Variants in EPX observed in about 807,000 individuals in gnomAD.
The protein encoded by EPX is eosinophil peroxidase.
A neutral mutation model predicts 73.0 loss-of-function variants in EPX; 60 were observed. That is an observed-to-expected ratio of 0.82 (90% CI 0.67 to 1.02). The LOEUF is 1.02. Among genes scored for constraint, EPX ranks in the 50% least tolerant of loss-of-function variants. The pLI is 0.00. For missense variants in EPX, 950 were observed against 973.9 expected, an observed-to-expected ratio of 0.98 and a Z score of 0.33; for synonymous variants, 347 against 389.2, an observed-to-expected ratio of 0.89 and a Z score of 1.28.
chr17:58,194,071 C>A lies in EPX; in HGVS notation c.573C>A (p.Arg191=), dbSNP rs1968221680. Residue 191 remains arginine, a synonymous_variant, in exon 5 of 13, where the codon CGC becomes CGA. Coordinates refer to ENST00000225371, the MANE Select transcript of EPX (RefSeq NM_000502.6). ...LPFGWTPSRR[R]NGFLLPLVRA... is the part of the protein sequence containing the mutation. ...TCGGCTGGACCCCCAGCAGGAGGCG[C>A]AATGGCTTCCTTCTCCCTCTTGTGA... The A allele has an allele frequency of 6.2e-7, 1 of 1,613,410 alleles. No individual in the cohort carries two copies. The highest frequency in any genetic ancestry group is 8.5e-7 in the Non-Finnish European group (1 of 1,180,006).
chr17:58,200,120 C>A lies in EPX; in HGVS notation c.1538-105C>A, dbSNP rs35700737. The A allele has an allele frequency of 8.2e-4, 895 of 1,098,066 alleles. 9 individuals carry two copies. The African/African-American group carries it at 0.012, about 15-fold the overall frequency. 68.0% of individuals were successfully genotyped at this position (1,098,066 alleles called of 1,614,324 possible). A position where few individuals can be genotyped will look rare whatever the true frequency, so the allele number is the denominator to read the frequency against. On this transcript the variant is annotated intron_variant, in intron 9 of 12. Transcript: ENST00000225371. ...TTTCCTGACAAACGTTACTAACATA[C>A]CCGACTGGCTTGTCCAGCTCTGGGC... is the stretch of plus-strand genomic sequence containing the variant.
At chr17:58,198,088 G>A (rs1347781584) in intron 7 of EPX, among the ~76,000 whole-genome samples, 4 of 152,126 alleles carry the variant, frequency 2.6e-5, no homozygotes, top group African/African-American at 9.7e-5. Context: ...CACCTGCCTT[G>A]GCCTCCCAAA....
chr17:58,200,263 C>T lies in EPX; in HGVS notation c.1576C>T (p.Pro526Ser), dbSNP rs753393061. 2 of 1,614,226 alleles carry T rather than the reference C, an allele frequency of 1.2e-6. No individual in the cohort carries two copies. The highest frequency in any genetic ancestry group is 1.1e-5 in the South Asian group (1 of 91,088). ...CATCCTCCGGGGCCTCATGGCCACC[C>T]CTGCCAAGCTGAACCGTCAGGATGC... The part of the protein sequence containing the change: ...DPILRGLMAT[P>S]AKLNRQDAML... Residue 526 changes from proline to serine, a missense_variant, in exon 10 of 13, where the codon CCT becomes TCT. By Grantham distance (74) the Pro-to-Ser change is moderately conservative. Transcript: ENST00000225371.
At position 58,199,150 on chromosome 17, in the gene EPX, G is replaced by A. The variant is rs1238477853; in HGVS notation, c.1231G>A (p.Gly411Arg). 1.2e-6 allele frequency: 2 copies of A among 1,614,148 alleles called. No homozygotes were observed. Among genetic ancestry groups the A allele is most frequent in the Admixed American group, 3.3e-5 (2 of 60,022 alleles). Reference protein sequence around the residue: ...ELRRLNPRWNGDKLYNEARKI... With the variant: ...ELRRLNPRWNRDKLYNEARKI... ...GAGACGCCTGAATCCCCGGTGGAAT[G>A]GAGACAAACTGTACAATGAGGCTCG... is the stretch of plus-strand genomic sequence containing the variant. The change falls in exon 8 of 13, where the codon GGA (glycine) becomes AGA (arginine). Residue 411 changes from glycine (G) to arginine (R), a missense_variant. Transcript: ENST00000225371.
intron 1 of EPX, 34 bp downstream of exon 1, chr17:58,192,956 G>C (rs1968196246): frequency 6.2e-7 from 1 of 1,607,396 alleles, no homozygotes; most frequent in Admixed American, 1.7e-5. Flanking sequence ...GGAGGAGGGA[G>C]GGGAAATGGA....
chr17:58,199,430 G>C, intron 8 of EPX, 109 bp from the exon 9 acceptor site: 1 of 1,326,042 alleles, frequency 7.5e-7, no homozygotes, highest in Non-Finnish European at 1.1e-6. Context: ...AATTAATGTT[G>C]TCACATTTGA....
At chr17:58,196,865 A>T in intron 6 of EPX, 74 bp from the exon 7 acceptor site, 2 of 1,176,654 alleles carry the variant, frequency 1.7e-6, no homozygotes, top group Non-Finnish European at 2.5e-6. Context: ...GGTTTTGAGG[A>T]GGTGGAAGAT....
chr17:58,194,040 T>C lies in EPX; in HGVS notation c.542T>C (p.Leu181Pro). The C allele has an allele frequency of 6.2e-7, 1 of 1,613,318 alleles. No homozygotes were observed. Among genetic ancestry groups the C allele is most frequent in the Non-Finnish European group, 8.5e-7 (1 of 1,179,940 alleles). Residue 181 changes from leucine (L) to proline (P), a missense_variant, in exon 5 of 13, where the codon CTC becomes CCC. Transcript: ENST00000225371. ...GCCGAGTATGAGGATGGGCTGTCGC[T>C]CCCCTTCGGCTGGACCCCCAGCAGG... is the stretch of plus-strand genomic sequence containing the variant. ...LPAEYEDGLS[L>P]PFGWTPSRRR... is the part of the protein sequence containing the mutation.
chr17:58,195,321 A>G, intron 6 of EPX, 151 bp downstream of exon 6: 1 of 722,822 alleles, frequency 1.4e-6, no homozygotes, highest in Non-Finnish European at 2.5e-6. Context: ...AACACAGCTG[A>G]GCAGAGACCC....
At position 58,204,364 on chromosome 17, in the gene EPX, G is replaced by A. The variant is rs1456873669; in HGVS notation, c.2089G>A (p.Gly697Ser). Reference protein sequence around the residue: ...DIFRANIYPRGFVNCSRIPRL... With the variant: ...DIFRANIYPRSFVNCSRIPRL... ...CTTCAGAGCCAACATCTACCCTCGG[G>A]GCTTTGTGAACTGCAGCCGTATCCC... is the stretch of plus-strand genomic sequence containing the variant. The change falls in exon 12 of 13, where the codon GGC becomes AGC. Residue 697 changes from glycine (G) to serine (S), a missense_variant. Coordinates refer to ENST00000225371, the MANE Select transcript of EPX (RefSeq NM_000502.6). The A allele has an allele frequency of 6.2e-7, 1 of 1,614,130 alleles. No individual in the cohort carries two copies. The highest frequency in any genetic ancestry group is 8.5e-7 in the Non-Finnish European group (1 of 1,179,998).
rs1381535153 is a variant in EPX, at chr17:58,199,747, T to A, written c.1490T>A (p.Val497Asp). ...QYRASAPNSH[V>D]PLSSAFFASW... ...CGGGCCTCCGCACCCAACTCGCATG[T>A]CCCACTTAGCTCTGCCTTCTTTGCC... Residue 497 changes from valine (V) to aspartate (D), a missense_variant, in exon 9 of 13, where the codon GTC becomes GAC. Physicochemically the swap from Val to Asp is radical, Grantham distance 152. Transcript: ENST00000225371. 6.2e-7 allele frequency: 1 copy of A among 1,612,756 alleles called. No individual in the cohort carries two copies. Among genetic ancestry groups the A allele is most frequent in the Non-Finnish European group, 8.5e-7 (1 of 1,179,616 alleles).
At chr17:58,194,714 G>A (rs1339042783) in intron 5 of EPX, among the ~76,000 whole-genome samples, 6 of 152,186 alleles carry the variant, frequency 3.9e-5, no homozygotes, top group Admixed American at 1.3e-4. Context: ...GGTGAGGTCT[G>A]AGCCAGTCAA....
rs751523509 is a variant in EPX, at chr17:58,193,057, G to T, written c.96G>T (p.Glu32Asp). The T allele has an allele frequency of 9.3e-6, 15 of 1,613,068 alleles. No homozygotes were observed. The South Asian group carries it at 1.5e-4, about 17-fold the overall frequency. Reference protein sequence around the residue: ...GTDPASPGAVETSVLRDCIAE... With the variant: ...GTDPASPGAVDTSVLRDCIAE... The stretch of plus-strand genomic sequence containing the variant: ...GAACAGCCTCCCCTGGGGCAGTGGA[G>T]ACCTCGGTCCTGCGAGACTGCATAG... The change falls in exon 2 of 13, where the codon GAG (glutamate) becomes GAT (aspartate). Residue 32 changes from glutamate (E) to aspartate (D), a missense_variant. Coordinates refer to ENST00000225371, the MANE Select transcript of EPX (RefSeq NM_000502.6).
Position 58,194,079 on chromosome 17 carries a change from TC to T in EPX, c.583del (p.Leu195PhefsTer20). 1 of 1,613,446 alleles carries T rather than the reference TC, an allele frequency of 6.2e-7. No homozygotes were observed. ...ACCCCCAGCAGGAGGCGCAATGGCT[TC>T]CTTCTCCCTCTTGTGAGTTGGGGCT... ...GWTPSRRRNG[F>X]LLPLVRAVSN... On this transcript the variant is annotated frameshift_variant, in exon 5 of 13. Coordinates refer to ENST00000225371, the MANE Select transcript of EPX (RefSeq NM_000502.6). LOFTEE classifies it high-confidence loss of function.
chr17:58,201,181 C>A (rs778326213), intron 10 of EPX, among the ~76,000 whole-genome samples: 12 of 152,240 alleles, frequency 7.9e-5, no homozygotes, highest in Non-Finnish European at 1.5e-4. Flanking sequence ...CTAGAAAGAA[C>A]CTGAAGGCCC....
At chr17:58,203,386 C>A in intron 11 of EPX, 68 bp downstream of exon 11, 2 of 1,029,992 alleles carry the variant, frequency 1.9e-6, no homozygotes, top group Non-Finnish European at 3.1e-6. Flanking sequence ...CATTTCAAGA[C>A]TAAACATTGA....
chr17:58,194,493 A>G (rs1315265730), intron 5 of EPX, among the ~76,000 whole-genome samples: 2 of 152,182 alleles, frequency 1.3e-5, no homozygotes, highest in African/African-American at 4.8e-5. Flanking sequence ...TGATATATCG[A>G]TAGAGCAGTC....
At chr17:58,200,095 T>C (rs994800529) in intron 9 of EPX, 130 bp from the exon 10 acceptor site, 3 of 899,354 alleles carry the variant, frequency 3.3e-6, no homozygotes, top group Admixed American at 3.8e-5. Flanking sequence ...CAGAACTCTG[T>C]TTCCTGACAA....
intron 10 of EPX, chr17:58,202,875 C>T (rs777033258): frequency 4.9e-5 from 30 of 616,116 alleles, no homozygotes; most frequent in Non-Finnish European, 7.6e-5. Context: ...GTCTGATGCA[C>T]ACTGAGCACA....
Sources: allele counts gnomAD v4.1 joint callset (sites outside exome capture counted in the v4.1 genomes callset), GRCh38; gene constraint gnomAD v4.1.1; transcripts MANE v1.5; gene names NCBI Gene and HGNC (gene_info 2026-07-23, HGNC 2026-07-21).